DYNC2LI1: variants seen among roughly 807,000 people sequenced by gnomAD.
DYNC2LI1 encodes cytoplasmic dynein 2 light intermediate chain 1.
Under a neutral mutation model 51.9 loss-of-function variants are expected in DYNC2LI1, and 45 were observed. That is an observed-to-expected ratio of 0.87 (90% confidence interval 0.68 to 1.11). The LOEUF is 1.11. DYNC2LI1 is among the 50% of genes most tolerant of loss of function. DYNC2LI1 has a pLI of 0.00. For synonymous variants in DYNC2LI1, 130 were observed against 137.8 expected (o/e 0.94, Z 0.40); for missense variants, 490 against 417.4 (o/e 1.17, Z -1.51).
At chr2:43,814,094 C>G (rs1394962592), downstream of DYNC2LI1, among the ~76,000 whole-genome samples, 1 of 151,996 alleles carries the variant, frequency 6.6e-6, no homozygotes, top group Non-Finnish European at 1.5e-5. Context: ...TAGACTTTTG[C>G]CAAAAGTAGC....
intron 12 of DYNC2LI1, 37 bp from the exon 13 acceptor site, chr2:43,809,668 T>C: frequency 6.6e-7 from 1 of 1,514,568 alleles, no homozygotes; most frequent in Non-Finnish European, 9.1e-7. Flanking sequence ...ATTAGTAAAG[T>C]TGATTTTTCT....
chr2:43,809,711 G>C lies in DYNC2LI1; in HGVS notation c.1000G>C (p.Glu334Gln). The part of the protein sequence containing the change: ...EMRIQKDLEL[E>Q]QYKRSSSKSW... ...ATACATATTTTTGTTTTAGGAACTG[G>C]AACAGTACAAAAGAAGTTCTTCCAA... Residue 334 changes from glutamate to glutamine, a missense_variant, in exon 13 of 13, where the codon GAA (glutamate) becomes CAA (glutamine). By Grantham distance (29) the Glu-to-Gln change is conservative. Coordinates refer to ENST00000260605, the MANE Select transcript of DYNC2LI1 (RefSeq NM_016008.4). 1 of 1,610,588 alleles carries C rather than the reference G, an allele frequency of 6.2e-7. No homozygotes were observed. The highest frequency in any genetic ancestry group is 8.5e-7 in the Non-Finnish European group (1 of 1,178,418).
intron 10 of DYNC2LI1, among the ~76,000 whole-genome samples, chr2:43,803,553 AAGG>A (rs1666142416): frequency 6.6e-6 from 1 of 152,140 alleles, no homozygotes; most frequent in African/African-American, 2.4e-5. Context: ...AGGGGTCGGG[AAGG>A]AGGAGGTTAT....
chr2:43,807,743 CAAAAAAAAAAAAAAAA>C (rs536977133), intron 12 of DYNC2LI1, among the ~76,000 whole-genome samples: 7 of 41,632 alleles, frequency 1.7e-4, no homozygotes, highest in East Asian at 2.6e-3. Context: ...TTTGTTAAAG[CAAAAAAAAAAAAAAAA>C]AAAAAAAAAA....
At position 43,809,814 on chromosome 2, in the gene DYNC2LI1, A is replaced by C; in HGVS notation, c.*47A>C. The C allele has an allele frequency of 6.4e-7, 1 of 1,563,990 alleles. No homozygotes were observed. ...TTTATTTCTTCTTTTCCAAATACAAATAAGATTATACTGTGAATTAACTAT... is the reference window on the plus strand; with the variant it reads ...TTTATTTCTTCTTTTCCAAATACAACTAAGATTATACTGTGAATTAACTAT... On this transcript the variant is annotated 3_prime_UTR_variant, in exon 13 of 13. Transcript: ENST00000260605.
At chr2:43,818,878 T>G in the DYNC2LI1 span, among the ~76,000 whole-genome samples, 1 of 152,190 alleles carries the variant, frequency 6.6e-6, no homozygotes, top group African/African-American at 2.4e-5. Context: ...AGTGATCTCT[T>G]TTTTATAAAT....
At chr2:43,819,958 G>A in the DYNC2LI1 span, 1 of 1,614,144 alleles carries the variant, frequency 6.2e-7, no homozygotes. Context: ...ATGGACAGCA[G>A]AGCCACTACA....
the DYNC2LI1 span, among the ~76,000 whole-genome samples, chr2:43,818,365 AC>A: frequency 6.6e-6 from 1 of 152,150 alleles, no homozygotes; most frequent in Non-Finnish European, 1.5e-5. Flanking sequence ...AATCACTTGA[AC>A]CCAGGAGGCA....
chr2:43,816,163 A>T, the DYNC2LI1 span, among the ~76,000 whole-genome samples: 1 of 152,232 alleles, frequency 6.6e-6, no homozygotes. Context: ...GTGTGTATAC[A>T]GTTCAAAGAC....
the DYNC2LI1 span, among the ~76,000 whole-genome samples, chr2:43,820,306 C>T: frequency 6.6e-6 from 1 of 152,224 alleles, no homozygotes; most frequent in African/African-American, 2.4e-5. Context: ...GGCTGCAACT[C>T]ATTGGGAGCC....
At chr2:43,779,432 C>G (rs1013667082) in intron 2 of DYNC2LI1, among the ~76,000 whole-genome samples, 1 of 152,208 alleles carries the variant, frequency 6.6e-6, no homozygotes. Flanking sequence ...ATCTGTTCAT[C>G]CATTCGGTTG....
In DYNC2LI1 at chr2:43,788,553, CAG is replaced by C. The variant is rs1207875883; in HGVS notation, c.232-1078_232-1077del. Among the ~76,000 whole-genome samples, 3 of 152,276 alleles carry C rather than the reference CAG, an allele frequency of 2.0e-5. No individual in the cohort carries two copies. In the South Asian group the frequency reaches 6.2e-4, roughly 32 times the overall value. ...ACCTGAAGTGTCTTCAGTGTCAGGA[CAG>C]AAGCAGAAATGCCATTAGCCAACAG... On this transcript the variant is annotated intron_variant, in intron 4 of 12. Transcript: ENST00000260605.
chr2:43,825,673 C>T, the DYNC2LI1 span, among the ~76,000 whole-genome samples: 7 of 152,114 alleles, frequency 4.6e-5, no homozygotes, highest in Non-Finnish European at 8.8e-5. Flanking sequence ...AGTGCAGTGG[C>T]ACAATCCCAG....
At chr2:43,824,305 T>G in the DYNC2LI1 span, 1 of 1,614,216 alleles carries the variant, frequency 6.2e-7, no homozygotes, top group Non-Finnish European at 8.5e-7. Context: ...GGTGTTTCAT[T>G]CTTTCAATAT....
chr2:43,774,312 G>T (rs566070703), intron 1 of DYNC2LI1, among the ~76,000 whole-genome samples, 166 bp downstream of exon 1: 1 of 152,196 alleles, frequency 6.6e-6, no homozygotes, highest in Non-Finnish European at 1.5e-5. Context: ...AGATTCTGCC[G>T]CAAACAGGAA....
chr2:43,815,789 G>A, the DYNC2LI1 span, among the ~76,000 whole-genome samples: 1 of 152,068 alleles, frequency 6.6e-6, no homozygotes, highest in Non-Finnish European at 1.5e-5. Flanking sequence ...GGGCCTTGCT[G>A]TGAGTTGAGG....
intron 5 of DYNC2LI1, among the ~76,000 whole-genome samples, chr2:43,790,660 A>G (rs187166101): frequency 1.3e-5 from 2 of 152,356 alleles, no homozygotes; most frequent in Admixed American, 6.5e-5. Context: ...AAAAGGAACC[A>G]GAATCACATT....
rs369286475 is a variant in DYNC2LI1 at position 43,796,850 on chromosome 2, A to G, written c.654+55A>G. 4.7e-5 allele frequency: 64 copies of G among 1,368,278 alleles called. No individual in the cohort carries two copies. In the Middle Eastern group the frequency reaches 9.0e-4, roughly 19 times the overall value. 84.8% of individuals were successfully genotyped at this position (1,368,278 alleles called of 1,614,324 possible). ...AATGGACAGTACCAAATTTGGGGAA[A>G]TCAGCAACTTGATGCACAGCTACGA... On this transcript the variant is annotated intron_variant, in intron 8 of 12. Transcript: ENST00000260605.
In DYNC2LI1 at chr2:43,805,721, T is replaced by C. The variant is rs181622054; in HGVS notation, c.993+475T>C. On this transcript the variant is annotated intron_variant, in intron 12 of 12. Transcript: ENST00000260605. ...AGCACGATCTGAAAGCACACAGACA[T>C]ACCTGACATAACCCAGGTTCTCTCA... 3.2e-3 allele frequency among the ~76,000 whole-genome samples: 485 copies of C among 152,238 alleles called. 3 individuals carry two copies. The highest frequency in any genetic ancestry group is 0.014 in the Middle Eastern group (4 of 294).
Sources: gnomAD v4.1 joint callset for allele counts (sites outside exome capture counted in the v4.1 genomes callset) on GRCh38, gnomAD v4.1.1 for gene constraint, MANE v1.5 for transcripts, NCBI Gene and HGNC (gene_info 2026-07-23, HGNC 2026-07-21) for gene names.